The following ATP8A2 variants were observed in gnomAD, a reference collection of about 807,000 sequenced individuals.
ATP8A2 encodes the protein ATPase phospholipid transporting 8A2.
A neutral mutation model predicts 165.6 loss-of-function variants in ATP8A2; 100 were observed. That is an observed-to-expected ratio of 0.60 (90% confidence interval 0.51 to 0.71). The LOEUF (loss-of-function observed/expected upper bound fraction) is 0.71, where lower values mean the gene tolerates loss of function less well. ATP8A2 is among the 30% of genes least tolerant of loss of function. The probability of loss-of-function intolerance (pLI) is 0.00; values close to 1 mark genes in which losing one functional copy is unlikely to be tolerated. For synonymous variants in ATP8A2, 543 were observed against 548.8 expected, an observed-to-expected ratio of 0.99 and a Z score of 0.15; for missense variants, 1,227 against 1,479.5, an observed-to-expected ratio of 0.83 and a Z score of 2.80.
At chr13:25,880,869 G>A (rs1176729807) in intron 33 of ATP8A2, 1 of 453,196 alleles carries the variant, frequency 2.2e-6, no homozygotes. Context: ...CCAGTTTCTT[G>A]ATGAAATATG....
At position 25,400,897 on chromosome 13, in the gene ATP8A2, C is replaced by T. The variant is rs148295895; in HGVS notation, c.76+28609C>T. Among the ~76,000 whole-genome samples, 271 of 152,326 alleles carry T rather than the reference C, an allele frequency of 1.8e-3. 2 individuals are homozygous for T. The highest frequency in any genetic ancestry group is 6.1e-3 in the African/African-American group (252 of 41,570). On this transcript the variant is annotated intron_variant, in intron 1 of 36. Coordinates refer to ENST00000381655, the MANE Select transcript of ATP8A2 (RefSeq NM_016529.6). Reference sequence around the variant, plus strand: ...GTGGCTATTTATCACTATGTGGAAGCATTTTGATATTTCAACAACAGGAAG... The same window carrying T: ...GTGGCTATTTATCACTATGTGGAAGTATTTTGATATTTCAACAACAGGAAG...
intron 1 of ATP8A2, among the ~76,000 whole-genome samples, chr13:25,460,001 A>G (rs930636081): frequency 6.6e-6 from 1 of 152,192 alleles, no homozygotes; most frequent in African/African-American, 2.4e-5. Context: ...CAGGAGTTCA[A>G]TACTAGTCTG....
At chr13:25,895,245 G>C (rs201509681) in intron 33 of ATP8A2, among the ~76,000 whole-genome samples, 1 of 151,908 alleles carries the variant, frequency 6.6e-6, no homozygotes, top group African/African-American at 2.4e-5. Context: ...TTAGCATGAA[G>C]GTTGTTGAAT....
Position 25,562,724 on chromosome 13 carries a change from A to G in ATP8A2, c.1398-1232A>G, listed in dbSNP as rs556446280. On this transcript the variant is annotated intron_variant, in intron 15 of 36. Coordinates refer to ENST00000381655, the MANE Select transcript of ATP8A2 (RefSeq NM_016529.6). ...AAACCCTGTTTTGGGAGGATGCCTA[A>G]CCTATCCACATGTGTGCCTGTGTGC... is the stretch of plus-strand genomic sequence containing the variant. Among the ~76,000 whole-genome samples, 1,412 of 152,326 alleles carry G rather than the reference A, an allele frequency of 9.3e-3. 23 individuals are homozygous for G. The highest frequency in any genetic ancestry group is 0.032 in the African/African-American group (1,349 of 41,564).
chr13:25,901,349 A>T (rs960826123), intron 33 of ATP8A2, among the ~76,000 whole-genome samples: 2 of 151,640 alleles, frequency 1.3e-5, no homozygotes, highest in African/African-American at 4.8e-5. Context: ...GTGTTATGGG[A>T]TTGGAGAACT....
At chr13:25,833,790 T>C (rs1951537923) in intron 28 of ATP8A2, among the ~76,000 whole-genome samples, 1 of 152,218 alleles carries the variant, frequency 6.6e-6, no homozygotes. Flanking sequence ...GTAGCCGCAA[T>C]TGGACATGCA....
intron 24 of ATP8A2, among the ~76,000 whole-genome samples, chr13:25,634,771 G>C (rs1206780932): frequency 6.6e-6 from 1 of 152,052 alleles, no homozygotes; most frequent in Non-Finnish European, 1.5e-5. Context: ...CTCTAAATCT[G>C]TTCAAGTTTA....
At chr13:25,599,352 C>T (rs1414365484) in intron 24 of ATP8A2, among the ~76,000 whole-genome samples, 1 of 152,196 alleles carries the variant, frequency 6.6e-6, no homozygotes, top group Non-Finnish European at 1.5e-5. Flanking sequence ...TGGGAAGTAC[C>T]TCTGGTTAGA....
At chr13:25,413,796 A>G (rs1446825455) in intron 1 of ATP8A2, among the ~76,000 whole-genome samples, 2 of 151,962 alleles carry the variant, frequency 1.3e-5, no homozygotes, top group Non-Finnish European at 2.9e-5. Flanking sequence ...CTGGCCAAAG[A>G]CCTTGTCATC....
chr13:25,397,366 T>C (rs940653211), intron 1 of ATP8A2, among the ~76,000 whole-genome samples: 12 of 152,214 alleles, frequency 7.9e-5, no homozygotes, highest in African/African-American at 2.7e-4. Context: ...CCAGCCTCTA[T>C]GAACAAGTGG....
chr13:25,666,986 G>C (rs2042167629), intron 24 of ATP8A2, among the ~76,000 whole-genome samples: 1 of 152,064 alleles, frequency 6.6e-6, no homozygotes, highest in Non-Finnish European at 1.5e-5. Flanking sequence ...CTTACTTTTT[G>C]TTATGGAGGT....
intron 25 of ATP8A2, among the ~76,000 whole-genome samples, chr13:25,710,460 A>G (rs1219431994): frequency 6.6e-6 from 1 of 152,102 alleles, no homozygotes; most frequent in East Asian, 1.9e-4. Context: ...CCAGCATTCT[A>G]CTTAGGAGAG....
In ATP8A2 at chr13:26,012,525, C is replaced by T; in HGVS notation, c.3378-6C>T. 1 of 1,539,422 alleles carries T rather than the reference C, an allele frequency of 6.5e-7. No individual in the cohort carries two copies. The highest frequency in any genetic ancestry group is 2.5e-5 in the East Asian group (1 of 39,470). ...CAAGAGACTGACGCGCTTGCTTTAT[C>T]CGCAGGCTGAACGAGCGCGACCGCC... On this transcript the variant is annotated splice_region_variant and splice_polypyrimidine_tract_variant and intron_variant, in intron 35 of 36. Coordinates refer to ENST00000381655, the MANE Select transcript of ATP8A2 (RefSeq NM_016529.6).
intron 2 of ATP8A2, among the ~76,000 whole-genome samples, chr13:25,506,957 A>ATATATATATATATATC (rs1244662360): frequency 3.4e-5 from 5 of 147,344 alleles, no homozygotes; most frequent in Non-Finnish European, 7.5e-5. Context: ...ATATATATAT[A>ATATATATATATATATC]TATATCTTAT....
chr13:25,438,277 C>G (rs1369343948), intron 1 of ATP8A2, among the ~76,000 whole-genome samples: 1 of 152,128 alleles, frequency 6.6e-6, no homozygotes, highest in African/African-American at 2.4e-5. Flanking sequence ...ATATTATCAA[C>G]CATTCATGAT....
chr13:25,867,202 A>G (rs1952531223), intron 33 of ATP8A2, among the ~76,000 whole-genome samples: 1 of 149,628 alleles, frequency 6.7e-6, no homozygotes, highest in African/African-American at 2.5e-5. Flanking sequence ...TTATGTACAC[A>G]CTTGTGTACA....
At chr13:25,706,777 G>A (rs1440322395) in intron 25 of ATP8A2, among the ~76,000 whole-genome samples, 3 of 152,164 alleles carry the variant, frequency 2.0e-5, no homozygotes, top group East Asian at 1.9e-4. Context: ...TGTCGAGGCT[G>A]TAAGTCTATC....
At chr13:25,622,867 A>G (rs533561717) in intron 24 of ATP8A2, among the ~76,000 whole-genome samples, 1 of 152,322 alleles carries the variant, frequency 6.6e-6, no homozygotes, top group South Asian at 2.1e-4. Flanking sequence ...CTCAACATGT[A>G]GTACTTATTG....
At chr13:25,945,760 G>A (rs748955969) in intron 33 of ATP8A2, among the ~76,000 whole-genome samples, 12 of 152,164 alleles carry the variant, frequency 7.9e-5, no homozygotes, top group African/African-American at 1.9e-4. Flanking sequence ...TTTCTGCTCC[G>A]GGAAGGCTGC....
Sources: gnomAD v4.1 joint callset for allele counts (sites outside exome capture counted in the v4.1 genomes callset) on GRCh38, gnomAD v4.1.1 for gene constraint, MANE v1.5 for transcripts, NCBI Gene and HGNC (gene_info 2026-07-23, HGNC 2026-07-21) for gene names.